EFR3B: variants seen among roughly 807,000 people sequenced by gnomAD.
EFR3B encodes protein EFR3 homolog B.
A neutral mutation model predicts 104.7 loss-of-function variants in EFR3B; 64 were observed. That is an observed-to-expected ratio of 0.61 (90% CI 0.50 to 0.75). The LOEUF (loss-of-function observed/expected upper bound fraction) is 0.75. Ranked by LOEUF, EFR3B falls within the 30% of genes least tolerant of loss-of-function variation. The pLI, the probability that EFR3B is intolerant of heterozygous loss-of-function variation, is 0.00. For missense variants in EFR3B, 750 were observed against 1,078.5 expected (o/e 0.70, Z 4.27); for synonymous variants, 385 against 417.9 (o/e 0.92, Z 0.96).
intron 1 of EFR3B, among the ~76,000 whole-genome samples, chr2:25,074,488 C>A (rs561918790): frequency 3.0e-4 from 46 of 151,810 alleles, no homozygotes; most frequent in African/African-American, 1.1e-3. Context: ...TCGCTTGAAC[C>A]CGGGAGGCAG....
At chr2:25,050,287 G>C (rs1228905145) in intron 1 of EFR3B, among the ~76,000 whole-genome samples, 1 of 152,160 alleles carries the variant, frequency 6.6e-6, no homozygotes, top group East Asian at 1.9e-4. Flanking sequence ...GTGCAGGGTG[G>C]TGGGAGGTGA....
intron 1 of EFR3B, among the ~76,000 whole-genome samples, chr2:25,044,035 T>G (rs1667650422): frequency 6.6e-6 from 1 of 152,250 alleles, no homozygotes. Flanking sequence ...AAGAGCTGGA[T>G]AGTCAGAAAG....
At chr2:25,148,025 CAAAAAAAAAAAA>C (rs58788213) in intron 19 of EFR3B, 1 of 71,634 alleles carries the variant, frequency 1.4e-5, no homozygotes, top group African/African-American at 5.5e-5. Flanking sequence ...AACTCCATCT[CAAAAAAAAAAAA>C]AAAAAAAAAA....
At chr2:25,095,524 C>T (rs1669251322) in intron 3 of EFR3B, among the ~76,000 whole-genome samples, 1 of 152,066 alleles carries the variant, frequency 6.6e-6, no homozygotes, top group South Asian at 2.1e-4. Context: ...GGTGAAACCT[C>T]ATCTCTATCA....
At chr2:25,141,134 A>G (rs1395605087) in intron 16 of EFR3B, among the ~76,000 whole-genome samples, 2 of 151,414 alleles carry the variant, frequency 1.3e-5, no homozygotes, top group African/African-American at 4.9e-5. Flanking sequence ...GAGGACACTT[A>G]GTGCACATGT....
chr2:25,064,782 C>A (rs921359684), intron 1 of EFR3B, among the ~76,000 whole-genome samples: 4 of 152,160 alleles, frequency 2.6e-5, no homozygotes, highest in Non-Finnish European at 5.9e-5. Flanking sequence ...TATTGGGATT[C>A]CTGGAGCTTA....
chr2:25,155,078 A>T lies in EFR3B; in HGVS notation c.*738A>T, dbSNP rs1182989780. On this transcript the variant is annotated 3_prime_UTR_variant, in exon 23 of 23. Coordinates refer to ENST00000403714, the MANE Select transcript of EFR3B (RefSeq NM_014971.2). ...TAAGGAGCTTGTGTTGGCCTCCCAC[A>T]GTCCTGTCTGCTGGACGTTTTTCAG... The T allele has an allele frequency of 6.6e-6, 1 of 152,278 alleles. No individual in the cohort carries two copies. The highest frequency in any genetic ancestry group is 1.5e-5 in the Non-Finnish European group (1 of 68,128). The allele number at this position is 152,278 out of a possible 1,614,324, so 9.4% of individuals were successfully genotyped here.
At position 25,087,622 on chromosome 2, in the gene EFR3B, G is replaced by A. The variant is rs942914874; in HGVS notation, c.8-3703G>A. Among the ~76,000 whole-genome samples, 5 of 151,632 alleles carry A rather than the reference G, an allele frequency of 3.3e-5. No homozygotes were observed. The East Asian group carries it at 7.7e-4, about 23-fold the overall frequency. ...CAAGTAGCTGGGACTACAGGCACCCGCCACCATGCCCAGCTAGTTTTTGTA... is the reference window on the plus strand; with the variant it reads ...CAAGTAGCTGGGACTACAGGCACCCACCACCATGCCCAGCTAGTTTTTGTA... On this transcript the variant is annotated intron_variant, in intron 1 of 22. Transcript: ENST00000403714.
At chr2:25,050,298 T>G (rs146337713) in intron 1 of EFR3B, among the ~76,000 whole-genome samples, 1 of 151,908 alleles carries the variant, frequency 6.6e-6, no homozygotes, top group African/African-American at 2.4e-5. Context: ...TGGGAGGTGA[T>G]GTGAAAATGA....
intron 1 of EFR3B, among the ~76,000 whole-genome samples, chr2:25,045,594 C>T (rs1667691678): frequency 6.6e-6 from 1 of 152,020 alleles, no homozygotes; most frequent in South Asian, 2.1e-4. Context: ...CCAGCCTGGC[C>T]AACATGGCGA....
chr2:25,091,433 C>G (rs1415975369), intron 2 of EFR3B, 32 bp downstream of exon 2: 1 of 1,538,226 alleles, frequency 6.5e-7, no homozygotes, highest in Non-Finnish European at 8.8e-7. Flanking sequence ...CATCGTGGCT[C>G]TCATGGTCCA....
chr2:25,063,394 A>G (rs1364575187), intron 1 of EFR3B, among the ~76,000 whole-genome samples: 2 of 152,130 alleles, frequency 1.3e-5, no homozygotes, highest in Non-Finnish European at 2.9e-5. Flanking sequence ...ATAAGGACCT[A>G]TACTCTCTGG....
chr2:25,130,181 G>T lies in EFR3B; in HGVS notation c.770+72G>T. On this transcript the variant is annotated intron_variant, in intron 7 of 22. Coordinates refer to ENST00000403714, the MANE Select transcript of EFR3B (RefSeq NM_014971.2). This position sits in a 1 kb window ranked among gnomAD's most constrained non-coding sequence, Gnocchi z 4.6. Reference sequence around the variant, plus strand: ...GTGTTTCAGGTCCCTGGCATCTCCTGGCTGGCTGGGGGGAAGGGGATATTA... The same window carrying T: ...GTGTTTCAGGTCCCTGGCATCTCCTTGCTGGCTGGGGGGAAGGGGATATTA... 2 of 1,540,854 alleles carry T rather than the reference G, an allele frequency of 1.3e-6. No homozygotes were observed. The highest frequency in any genetic ancestry group is 2.4e-5 in the South Asian group (2 of 83,458).
chr2:25,080,649 A>G (rs901320016), intron 1 of EFR3B: 4 of 621,836 alleles, frequency 6.4e-6, no homozygotes, highest in Non-Finnish European at 1.1e-5. Context: ...CATTTACTAG[A>G]CAGTCTGTAT....
At chr2:25,121,938 C>A in intron 5 of EFR3B, 144 bp downstream of exon 5, 2 of 1,098,404 alleles carry the variant, frequency 1.8e-6, no homozygotes, top group Non-Finnish European at 2.6e-6. Flanking sequence ...GGTGGGCCAG[C>A]ACCCAGCTCC....
chr2:25,125,753 C>A (rs1670147280), intron 5 of EFR3B, among the ~76,000 whole-genome samples: 1 of 152,186 alleles, frequency 6.6e-6, no homozygotes, highest in Admixed American at 6.5e-5. Context: ...TCGAGACCAT[C>A]CTGGCTAACA....
intron 1 of EFR3B, among the ~76,000 whole-genome samples, chr2:25,090,546 T>G (rs1669083704): frequency 6.6e-6 from 1 of 152,196 alleles, no homozygotes; most frequent in Admixed American, 6.5e-5. Context: ...GGTTGTTAGA[T>G]TTTTCATTTT....
chr2:25,139,312 A>G, intron 16 of EFR3B, 122 bp downstream of exon 16: 2 of 1,235,602 alleles, frequency 1.6e-6, no homozygotes, highest in Non-Finnish European at 2.2e-6. Flanking sequence ...GGTTGAAGTA[A>G]GAACCACTAA....
In EFR3B at chr2:25,151,947, A is replaced by C. The variant is rs752268312; in HGVS notation, c.2225A>C (p.Glu742Ala). Reference protein sequence around the residue: ...DSVAVEEQERERRRQVVEKFQ... With the variant: ...DSVAVEEQERARRRQVVEKFQ... ...GTAGCAGTGGAGGAGCAGGAGCGTG[A>C]GCGGCGGCGGCAGGTGGTGGAGAAG... is the stretch of plus-strand genomic sequence containing the variant. The change falls in exon 21 of 23, where the codon GAG becomes GCG. Residue 742 changes from glutamate (E) to alanine (A), a missense_variant. Physicochemically the swap from Glu to Ala is moderately radical, Grantham distance 107. Coordinates refer to ENST00000403714, the MANE Select transcript of EFR3B (RefSeq NM_014971.2). 3 of 1,551,722 alleles carry C rather than the reference A, an allele frequency of 1.9e-6. No individual in the cohort carries two copies. The South Asian group carries it at 3.6e-5, about 18-fold the overall frequency.
Sources: gnomAD v4.1 joint callset for allele counts (sites outside exome capture counted in the v4.1 genomes callset) on GRCh38, gnomAD v4.1.1 for gene constraint, Gnocchi (gnomAD v3.1) non-coding constraint, MANE v1.5 for transcripts, NCBI Gene and HGNC (gene_info 2026-07-23, HGNC 2026-07-21) for gene names.